Variants in AUTS2 observed in about 807,000 individuals in gnomAD.
The protein encoded by AUTS2 is autism susceptibility gene 2 protein.
Under a neutral mutation model 112.4 loss-of-function variants are expected in AUTS2, and 17 were observed. That is an observed-to-expected ratio of 0.15 (90% CI 0.10 to 0.23). The LOEUF (loss-of-function observed/expected upper bound fraction) is 0.23. Ranked by LOEUF, AUTS2 falls within the 10% of genes least tolerant of loss-of-function variation. The pLI is 1.00. For synonymous variants in AUTS2, 751 were observed against 702.7 expected, an observed-to-expected ratio of 1.07 and a Z score of -1.09; for missense variants, 1,510 against 1,701.6, an observed-to-expected ratio of 0.89 and a Z score of 1.98.
intron 2 of AUTS2, among the ~76,000 whole-genome samples, chr7:69,936,290 C>T (rs1796406350): frequency 6.6e-6 from 1 of 152,152 alleles, no homozygotes; most frequent in African/African-American, 2.4e-5. Context: ...GGTCAGTCTG[C>T]CTGTTCTTTC....
intron 2 of AUTS2, among the ~76,000 whole-genome samples, chr7:70,028,137 C>T (rs1438165163): frequency 2.6e-5 from 4 of 151,960 alleles, no homozygotes; most frequent in African/African-American, 9.7e-5. Context: ...CTCTTCTTCC[C>T]TCTCCTTCCT....
chr7:70,692,160 G>A (rs1050585344), intron 5 of AUTS2, among the ~76,000 whole-genome samples: 7 of 152,144 alleles, frequency 4.6e-5, no homozygotes, highest in African/African-American at 1.4e-4. Context: ...GAGCAACTGC[G>A]CCCAGACTGA....
chr7:69,696,200 T>C (rs1378358279), intron 1 of AUTS2, among the ~76,000 whole-genome samples: 1 of 152,190 alleles, frequency 6.6e-6, no homozygotes, highest in Non-Finnish European at 1.5e-5. Flanking sequence ...GGTGCACCTC[T>C]AGCAGCTGCA....
At chr7:70,042,598 C>T (rs1801296888) in intron 2 of AUTS2, among the ~76,000 whole-genome samples, 1 of 152,160 alleles carries the variant, frequency 6.6e-6, no homozygotes, top group Admixed American at 6.5e-5. Context: ...GCCTCGTCGT[C>T]CTATAGCTAA....
At position 70,126,833 on chromosome 7, in the gene AUTS2, A is replaced by G. The variant is rs374745330; in HGVS notation, c.625-7703A>G. Among the ~76,000 whole-genome samples, 6 of 152,306 alleles carry G rather than the reference A, an allele frequency of 3.9e-5. No individual in the cohort carries two copies. The East Asian group carries it at 9.7e-4, about 25-fold the overall frequency. On this transcript the variant is annotated intron_variant, in intron 3 of 18. Coordinates refer to ENST00000342771, the MANE Select transcript of AUTS2 (RefSeq NM_015570.4). Reference sequence around the variant, plus strand: ...AATGTGACCTTTCTTCCCCGCCAAGATGGAGTCTTGCTGTGTCGCCCAGGC... The same window carrying G: ...AATGTGACCTTTCTTCCCCGCCAAGGTGGAGTCTTGCTGTGTCGCCCAGGC...
chr7:70,774,183 C>T (rs1790541555), intron 12 of AUTS2, 84 bp downstream of exon 12: 6 of 1,267,674 alleles, frequency 4.7e-6, no homozygotes, highest in Non-Finnish European at 3.4e-6. Flanking sequence ...CTCGCATCTT[C>T]CTTAGCTCCT....
At chr7:70,530,314 C>T (rs758400046) in intron 5 of AUTS2, among the ~76,000 whole-genome samples, 2 of 152,068 alleles carry the variant, frequency 1.3e-5, no homozygotes, top group Non-Finnish European at 2.9e-5. Context: ...AAGTAAACAG[C>T]CTTTAACGGC....
intron 2 of AUTS2, among the ~76,000 whole-genome samples, chr7:70,091,249 T>G (rs1445510238): frequency 6.6e-6 from 1 of 152,212 alleles, no homozygotes; most frequent in African/African-American, 2.4e-5. Context: ...CTTAAGAATT[T>G]CTTTTATCAC....
chr7:70,259,442 T>C (rs1787052660), intron 4 of AUTS2, among the ~76,000 whole-genome samples: 1 of 152,200 alleles, frequency 6.6e-6, no homozygotes, highest in African/African-American at 2.4e-5. Flanking sequence ...TTCATGCCAT[T>C]GGCCTCACTC....
chr7:69,863,428 ACCAATC>A (rs1340295946), intron 1 of AUTS2, among the ~76,000 whole-genome samples: 2 of 152,280 alleles, frequency 1.3e-5, no homozygotes, highest in East Asian at 3.9e-4. Context: ...GGATGCTGGA[ACCAATC>A]CCCCACAGAT....
chr7:70,059,870 G>A (rs1261337533), intron 2 of AUTS2, among the ~76,000 whole-genome samples: 1 of 152,186 alleles, frequency 6.6e-6, no homozygotes, highest in Admixed American at 6.5e-5. Context: ...AGCTCGCTTA[G>A]TTCCAAATAG....
At chr7:70,393,752 C>T (rs1793968079) in intron 4 of AUTS2, among the ~76,000 whole-genome samples, 1 of 152,170 alleles carries the variant, frequency 6.6e-6, no homozygotes, top group South Asian at 2.1e-4. Context: ...AGCCCACCAC[C>T]CCCCTTTCAA....
intron 1 of AUTS2, among the ~76,000 whole-genome samples, chr7:69,850,320 C>CA (rs1792413282): frequency 7.4e-6 from 1 of 134,714 alleles, no homozygotes; most frequent in East Asian, 2.2e-4. Flanking sequence ...AAAACAAAAA[C>CA]AAAAAAACCC....
chr7:70,524,064 C>T (rs909975154), intron 5 of AUTS2, among the ~76,000 whole-genome samples: 7 of 152,200 alleles, frequency 4.6e-5, no homozygotes, highest in African/African-American at 1.4e-4. Context: ...CATTTGGAGG[C>T]AACGCTACTA....
chr7:70,708,253 G>A (rs1250405132), intron 6 of AUTS2, among the ~76,000 whole-genome samples: 2 of 152,056 alleles, frequency 1.3e-5, no homozygotes, highest in African/African-American at 4.8e-5. Context: ...TCCTCTCCCC[G>A]AAAACCCAGC....
intron 4 of AUTS2, among the ~76,000 whole-genome samples, chr7:70,250,801 G>A (rs757590624): frequency 3.3e-5 from 5 of 152,050 alleles, no homozygotes; most frequent in Non-Finnish European, 7.3e-5. Flanking sequence ...CCTATGAGTG[G>A]GAGCTAAACA....
chr7:70,739,279 C>T (rs1007148873), intron 6 of AUTS2, among the ~76,000 whole-genome samples: 2 of 151,224 alleles, frequency 1.3e-5, no homozygotes, highest in Non-Finnish European at 2.9e-5. Flanking sequence ...CCTCCTGCCT[C>T]GGTCTCCCGA....
intron 5 of AUTS2, among the ~76,000 whole-genome samples, chr7:70,512,555 A>G (rs1270210576): frequency 6.6e-6 from 1 of 152,208 alleles, no homozygotes; most frequent in Non-Finnish European, 1.5e-5. Flanking sequence ...GTAGGAAAAC[A>G]TCGAAACATC....
At chr7:70,140,059 G>T (rs1434016362) in intron 4 of AUTS2, among the ~76,000 whole-genome samples, 3 of 152,106 alleles carry the variant, frequency 2.0e-5, no homozygotes, top group Non-Finnish European at 4.4e-5. Context: ...AGTCTCAGAT[G>T]CCCTTTCATT....
Sources: allele counts gnomAD v4.1 joint callset (sites outside exome capture counted in the v4.1 genomes callset), GRCh38; gene constraint gnomAD v4.1.1; transcripts MANE v1.5; gene names NCBI Gene and HGNC (gene_info 2026-07-23, HGNC 2026-07-21).